YAF2: variants seen among roughly 807,000 people sequenced by gnomAD.
The protein encoded by YAF2 is YY1-associated factor 2.
In YAF2, 7 loss-of-function variants were observed where a neutral mutation model predicts 20.1. The ratio of observed to expected loss-of-function variants is 0.35; its 90% CI spans 0.20 to 0.65. The LOEUF is 0.65. YAF2 is among the 30% of genes least tolerant of loss of function. YAF2 has a pLI of 0.69. For missense variants in YAF2, 151 were observed against 219.2 expected, an observed-to-expected ratio of 0.69 and a Z score of 1.96; for synonymous variants, 74 against 76.0, an observed-to-expected ratio of 0.97 and a Z score of 0.14.
rs756936825 is a variant in YAF2, at chr12:42,238,142, C to A, written c.26+13G>T. The stretch of plus-strand genomic sequence containing the variant: ...CCCGCACAGTCCGGGCCCCGGGGCC[C>A]GGGCGCTGTTACCTGGTGGGGCTCT... On this transcript the variant is annotated intron_variant, in intron 1 of 3. Transcript: ENST00000534854. 5.2e-6 allele frequency: 8 copies of A among 1,539,628 alleles called. No individual in the cohort carries two copies. Among genetic ancestry groups the A allele is most frequent in the Non-Finnish European group, 2.6e-6 (3 of 1,144,930 alleles).
chr12:42,173,469 C>T (rs576186258), intron 2 of YAF2, among the ~76,000 whole-genome samples: 191 of 152,172 alleles, frequency 1.3e-3, no homozygotes, highest in Non-Finnish European at 2.3e-3. Context: ...TTAAATGACA[C>T]GACAGTTTGG....
At chr12:42,186,258 C>T (rs2066471930) in intron 2 of YAF2, among the ~76,000 whole-genome samples, 1 of 148,154 alleles carries the variant, frequency 6.7e-6, no homozygotes, top group South Asian at 2.1e-4. Context: ...CTTTGGGAGG[C>T]AGAGGCAGGA....
At position 42,212,981 on chromosome 12, in the gene YAF2, A is replaced by G. The variant is rs765865859; in HGVS notation, c.152+24618T>C. The stretch of plus-strand genomic sequence containing the variant: ...CATAGCACAAAGGTCTTATATGTTT[A>G]TAGTGATAAAACAGATCAAGGAGCA... On this transcript the variant is annotated intron_variant, in intron 2 of 3. Coordinates refer to ENST00000534854, the MANE Select transcript of YAF2 (RefSeq NM_005748.6). Among the ~76,000 whole-genome samples the G allele has an allele frequency of 3.3e-5, 5 of 152,378 alleles. No homozygotes were observed. The East Asian group carries it at 7.7e-4, about 23-fold the overall frequency.
At chr12:42,201,124 T>C (rs1164577636) in intron 2 of YAF2, among the ~76,000 whole-genome samples, 1 of 152,212 alleles carries the variant, frequency 6.6e-6, no homozygotes, top group Non-Finnish European at 1.5e-5. Flanking sequence ...AACTATTCTA[T>C]ATCTTATTTA....
chr12:42,226,540 TG>T (rs1367621523), intron 2 of YAF2, among the ~76,000 whole-genome samples: 1 of 152,128 alleles, frequency 6.6e-6, no homozygotes, highest in Non-Finnish European at 1.5e-5. Flanking sequence ...GGCACACCCC[TG>T]TAGTCCCAGC....
intron 2 of YAF2, among the ~76,000 whole-genome samples, chr12:42,197,999 T>TA (rs2066798250): frequency 6.6e-6 from 1 of 152,070 alleles, no homozygotes; most frequent in Non-Finnish European, 1.5e-5. Flanking sequence ...TCTCAAATAG[T>TA]ATCTACTAGG....
At position 42,237,343 on chromosome 12, in the gene YAF2, G is replaced by GC. The variant is rs2068198702; in HGVS notation, c.152+255dup. 4.7e-6 allele frequency: 5 copies of GC among 1,068,112 alleles called. No individual in the cohort carries two copies. The South Asian group carries it at 1.4e-4, about 30-fold the overall frequency. The allele number at this position is 1,068,112 out of a possible 1,614,324, so 66.2% of individuals were successfully genotyped here. On this transcript the variant is annotated intron_variant, in intron 2 of 3. Coordinates refer to ENST00000534854, the MANE Select transcript of YAF2 (RefSeq NM_005748.6). ...TACACCCAGCGATACGAATTAAATC[G>GC]CAGTAGCTAATGCCTCCCTTAAATA...
At chr12:42,234,924 G>A (rs959941824) in intron 2 of YAF2, 68 of 894,516 alleles carry the variant, frequency 7.6e-5, no homozygotes, top group Non-Finnish European at 8.3e-5. Flanking sequence ...GGAGTTCGAG[G>A]CTGCAGTGAG....
Position 42,207,194 on chromosome 12 carries a change from A to G in YAF2, c.152+30405T>C, listed in dbSNP as rs116286703. On this transcript the variant is annotated intron_variant, in intron 2 of 3. Coordinates refer to ENST00000534854, the MANE Select transcript of YAF2 (RefSeq NM_005748.6). The stretch of plus-strand genomic sequence containing the variant: ...AAAGACATGCAGCAGTAGATTCAAA[A>G]CTAGTATTTAAGTCATCTGACTAAA... 9.6e-3 allele frequency among the ~76,000 whole-genome samples: 1,455 copies of G among 152,324 alleles called. 33 individuals carry two copies. The highest frequency in any genetic ancestry group is 0.033 in the African/African-American group (1,360 of 41,580).
At chr12:42,185,536 G>A (rs890125518) in intron 2 of YAF2, among the ~76,000 whole-genome samples, 7 of 152,130 alleles carry the variant, frequency 4.6e-5, no homozygotes, top group Non-Finnish European at 8.8e-5. Context: ...TAATCAATGT[G>A]GAAAACTTTA....
intron 2 of YAF2, among the ~76,000 whole-genome samples, chr12:42,222,689 T>A (rs2067555749): frequency 6.6e-6 from 1 of 152,182 alleles, no homozygotes; most frequent in Admixed American, 6.5e-5. Flanking sequence ...TTATTTAGTG[T>A]CTGTTTCATA....
chr12:42,202,790 C>A (rs1356303850), intron 2 of YAF2, among the ~76,000 whole-genome samples: 1 of 152,100 alleles, frequency 6.6e-6, no homozygotes. Flanking sequence ...AGGCACATGC[C>A]ACCATGCCCA....
At chr12:42,174,904 A>T (rs889068145) in intron 2 of YAF2, among the ~76,000 whole-genome samples, 1 of 152,222 alleles carries the variant, frequency 6.6e-6, no homozygotes, top group Non-Finnish European at 1.5e-5. Context: ...TTAATAATGA[A>T]AGTAGTCCCT....
intron 2 of YAF2, among the ~76,000 whole-genome samples, chr12:42,175,720 GAC>G (rs1182668194): frequency 4.5e-5 from 3 of 67,396 alleles, no homozygotes; most frequent in African/African-American, 1.5e-4. Context: ...CCAGCCTGGC[GAC>G]AGAGCAAGAC....
intron 3 of YAF2, 47 bp downstream of exon 3, chr12:42,161,566 A>C (rs780307219): frequency 6.6e-7 from 1 of 1,522,872 alleles, no homozygotes; most frequent in East Asian, 2.3e-5. Flanking sequence ...AAAAAATTAA[A>C]TGGTTTTATT....
chr12:42,194,066 T>C (rs1402968807), intron 2 of YAF2, among the ~76,000 whole-genome samples: 1 of 152,044 alleles, frequency 6.6e-6, no homozygotes. Context: ...GTATAATGAG[T>C]TTGCATTTTA....
intron 2 of YAF2, among the ~76,000 whole-genome samples, chr12:42,179,444 T>A (rs1433512051): frequency 6.6e-6 from 1 of 152,208 alleles, no homozygotes; most frequent in South Asian, 2.1e-4. Flanking sequence ...CAGTGCAGCC[T>A]CAGCAACAAA....
intron 1 of YAF2, 189 bp from the exon 2 acceptor site, chr12:42,237,913 C>G (rs1305549243): frequency 2.1e-6 from 1 of 466,408 alleles, no homozygotes; most frequent in Non-Finnish European, 2.9e-6. Flanking sequence ...GCGAGCGCGG[C>G]CGCAGTCGCC....
intron 2 of YAF2, among the ~76,000 whole-genome samples, chr12:42,175,886 T>C (rs2066177367): frequency 6.6e-6 from 1 of 151,904 alleles, no homozygotes. Flanking sequence ...TACACAGATA[T>C]TAAAATTTTA....
Sources: gnomAD v4.1 joint callset for allele counts (sites outside exome capture counted in the v4.1 genomes callset) on GRCh38, gnomAD v4.1.1 for gene constraint, MANE v1.5 for transcripts, NCBI Gene and HGNC (gene_info 2026-07-23, HGNC 2026-07-21) for gene names.